NRG1: variants seen among roughly 807,000 people sequenced by gnomAD.
NRG1 encodes the protein neuregulin 1, also known as pro-neuregulin-1, membrane-bound isoform.
In NRG1, 18 loss-of-function variants were observed where a neutral mutation model predicts 63.8. The ratio of observed to expected loss-of-function variants is 0.28; its 90% CI spans 0.19 to 0.42. The LOEUF (loss-of-function observed/expected upper bound fraction) is 0.42, where lower values mean the gene tolerates loss of function less well. Ranked by LOEUF, NRG1 falls within the 10% of genes least tolerant of loss-of-function variation. The pLI is 1.00. For synonymous variants in NRG1, 302 were observed against 301.3 expected, an observed-to-expected ratio of 1.00 and a Z score of -0.02; for missense variants, 762 against 814.7, an observed-to-expected ratio of 0.94 and a Z score of 0.79.
chr8:31,890,084 C>T (rs760413355), intron 1 of NRG1, among the ~76,000 whole-genome samples: 1 of 152,126 alleles, frequency 6.6e-6, no homozygotes, highest in African/African-American at 2.4e-5. Context: ...AGTAGCATGC[C>T]TGGTCTCTAT....
intron 1 of NRG1, among the ~76,000 whole-genome samples, chr8:31,694,600 A>G (rs1456855132): frequency 6.6e-6 from 1 of 152,114 alleles, no homozygotes; most frequent in East Asian, 1.9e-4. Flanking sequence ...TGATCTAGTA[A>G]AGCTTGTGTT....
chr8:32,723,268 A>G (rs16879860), intron 5 of NRG1, among the ~76,000 whole-genome samples: 1,885 of 152,262 alleles, frequency 0.012, 40 homozygotes, highest in African/African-American at 0.043. Context: ...TTCAGTGTTC[A>G]TTTCAGTACA....
chr8:32,176,806 A>G (rs1840788675), intron 1 of NRG1, among the ~76,000 whole-genome samples: 1 of 152,182 alleles, frequency 6.6e-6, no homozygotes, highest in Non-Finnish European at 1.5e-5. Context: ...TAGAATGGCA[A>G]TCATTAAAAA....
chr8:32,381,733 A>G (rs997652293), intron 1 of NRG1, among the ~76,000 whole-genome samples: 4 of 152,232 alleles, frequency 2.6e-5, no homozygotes, highest in Non-Finnish European at 5.9e-5. Context: ...ACTCTTAAAT[A>G]GTAAAAAATA....
At chr8:32,477,788 A>C (rs187240603) in intron 1 of NRG1, among the ~76,000 whole-genome samples, 1,933 of 152,378 alleles carry the variant, frequency 0.013, 12 homozygotes, top group Non-Finnish European at 0.02. Flanking sequence ...TCATAAAAAT[A>C]GTAATATCTG....
At chr8:32,218,409 G>A (rs142380874) in intron 1 of NRG1, among the ~76,000 whole-genome samples, 13 of 152,200 alleles carry the variant, frequency 8.5e-5, no homozygotes, top group East Asian at 5.8e-4. Flanking sequence ...GTGGCATCAC[G>A]GGGGTGCTCT....
At chr8:31,977,230 A>G (rs1316835649) in intron 1 of NRG1, among the ~76,000 whole-genome samples, 3 of 152,160 alleles carry the variant, frequency 2.0e-5, no homozygotes, top group African/African-American at 7.2e-5. Context: ...GGACATTACC[A>G]TTTTAACTTC....
intron 1 of NRG1, among the ~76,000 whole-genome samples, chr8:32,008,544 C>T (rs1814179410): frequency 6.6e-6 from 1 of 151,982 alleles, no homozygotes; most frequent in Non-Finnish European, 1.5e-5. Context: ...ATGTATAGTA[C>T]ATATTTTATA....
chr8:32,306,829 G>A (rs1003458407), intron 1 of NRG1, among the ~76,000 whole-genome samples: 3 of 152,210 alleles, frequency 2.0e-5, no homozygotes, highest in African/African-American at 7.2e-5. Flanking sequence ...TACAAAAGAG[G>A]AGCCATTCAT....
chr8:31,862,667 G>T (rs1828573599), intron 1 of NRG1, among the ~76,000 whole-genome samples: 1 of 152,066 alleles, frequency 6.6e-6, no homozygotes, highest in African/African-American at 2.4e-5. Context: ...AAGTAATTTT[G>T]CTTGTTTTTT....
At chr8:32,038,487 A>G (rs1819432199) in intron 1 of NRG1, among the ~76,000 whole-genome samples, 1 of 152,092 alleles carries the variant, frequency 6.6e-6, no homozygotes, top group African/African-American at 2.4e-5. Flanking sequence ...AACCGAATGA[A>G]CAAGAGATAT....
Position 32,497,982 on chromosome 8 carries a change from C to G in NRG1, c.38-97846C>G, listed in dbSNP as rs892008831. ...GGGATTACAGACATGCATGACCATGCCCGGCTAATTTTGTAGTTTTAGTAG... is the reference window on the plus strand; with the variant it reads ...GGGATTACAGACATGCATGACCATGGCCGGCTAATTTTGTAGTTTTAGTAG... On this transcript the variant is annotated intron_variant, in intron 1 of 10. Coordinates refer to the NRG1 transcript ENST00000519301. Among the ~76,000 whole-genome samples the G allele has an allele frequency of 5.9e-5, 9 of 152,184 alleles. No homozygotes were observed. In the South Asian group the frequency reaches 8.3e-4, roughly 14 times the overall value.
At chr8:32,673,049 C>T (rs894991290) in intron 5 of NRG1, among the ~76,000 whole-genome samples, 1 of 152,116 alleles carries the variant, frequency 6.6e-6, no homozygotes, top group Non-Finnish European at 1.5e-5. Flanking sequence ...TAGTCTTGAC[C>T]ATAGTGTTTA....
chr8:31,866,487 A>G lies in NRG1; in HGVS notation c.37+227056A>G, dbSNP rs181703040. Among the ~76,000 whole-genome samples, 13 of 152,282 alleles carry G rather than the reference A, an allele frequency of 8.5e-5. No individual in the cohort carries two copies. In the East Asian group the frequency reaches 2.3e-3, roughly 27 times the overall value. ...AGAGGGATACAATTTGTTGACTTTCATTGCTACATTTTTGGACAAGGAAAG... is the reference window on the plus strand; with the variant it reads ...AGAGGGATACAATTTGTTGACTTTCGTTGCTACATTTTTGGACAAGGAAAG... On this transcript the variant is annotated intron_variant, in intron 1 of 10. Transcript: ENST00000519301.
intron 1 of NRG1, among the ~76,000 whole-genome samples, chr8:32,038,258 G>C (rs1007871050): frequency 2.0e-5 from 3 of 152,154 alleles, no homozygotes; most frequent in African/African-American, 7.2e-5. Context: ...CGCAGGCTCC[G>C]GGTGGGCCCT....
intron 1 of NRG1, among the ~76,000 whole-genome samples, chr8:31,829,647 G>A (rs1404266650): frequency 1.3e-5 from 2 of 151,914 alleles, no homozygotes; most frequent in African/African-American, 4.9e-5. Context: ...TTGATAAGGT[G>A]TAAAACCACT....
At position 32,048,297 on chromosome 8, in the gene NRG1, ATATT is replaced by A. The variant is rs1188719486; in HGVS notation, c.37+408867_37+408870del. On this transcript the variant is annotated intron_variant, in intron 1 of 10. Transcript: ENST00000519301. Reference sequence around the variant, plus strand: ...TATATGTATACATACATGTACATATATATTCATACATATATGTATGTATATACAT... The same window carrying A: ...TATATGTATACATACATGTACATATACATACATATATGTATGTATATACAT... Among the ~76,000 whole-genome samples, 4 of 150,638 alleles carry A rather than the reference ATATT, an allele frequency of 2.7e-5. No individual in the cohort carries two copies. In the East Asian group the frequency reaches 7.7e-4, roughly 29 times the overall value.
intron 1 of NRG1, among the ~76,000 whole-genome samples, chr8:31,964,775 C>T (rs1008587423): frequency 3.3e-5 from 5 of 152,186 alleles, no homozygotes; most frequent in Admixed American, 1.3e-4. Context: ...CTGCAAGCTA[C>T]GAGTTCGTTT....
intron 5 of NRG1, among the ~76,000 whole-genome samples, chr8:32,706,320 C>A (rs1390333067): frequency 6.6e-6 from 1 of 152,134 alleles, no homozygotes; most frequent in Non-Finnish European, 1.5e-5. Context: ...TTTATATCTT[C>A]TCTCATTTAT....
Sources: gnomAD v4.1 joint callset for allele counts (sites outside exome capture counted in the v4.1 genomes callset) on GRCh38, gnomAD v4.1.1 for gene constraint, MANE v1.5 for transcripts, NCBI Gene and HGNC (gene_info 2026-07-23, HGNC 2026-07-21) for gene names.